Variants in NCKAP5 observed in about 807,000 individuals in gnomAD.
The protein encoded by NCKAP5 is NCK associated protein 5.
A neutral mutation model predicts 167.0 loss-of-function variants in NCKAP5; 92 were observed. The observed-to-expected ratio is 0.55, with a 90% CI of 0.47 to 0.66. The LOEUF (loss-of-function observed/expected upper bound fraction) is 0.66, where lower values mean the gene tolerates loss of function less well. Among genes scored for constraint, NCKAP5 ranks in the 30% least tolerant of loss-of-function variants. The probability of loss-of-function intolerance (pLI) is 0.00; values close to 1 mark genes in which losing one functional copy is unlikely to be tolerated. For synonymous variants in NCKAP5, 891 were observed against 877.4 expected (o/e 1.02, Z -0.27); for missense variants, 2,378 against 2,315.0 (o/e 1.03, Z -0.56).
intron 8 of NCKAP5, among the ~76,000 whole-genome samples, chr2:132,963,399 C>T (rs2076574080): frequency 6.6e-6 from 1 of 152,112 alleles, no homozygotes; most frequent in South Asian, 2.1e-4. Context: ...TTACCAGTTA[C>T]TGGGGAAAAC....
At chr2:133,525,297 G>A (rs924701608) in intron 2 of NCKAP5, among the ~76,000 whole-genome samples, 3 of 152,158 alleles carry the variant, frequency 2.0e-5, no homozygotes, top group Non-Finnish European at 4.4e-5. Flanking sequence ...TTAAAAAATT[G>A]TTTCCTACAT....
At chr2:133,180,203 C>A (rs1020553812) in intron 5 of NCKAP5, among the ~76,000 whole-genome samples, 1 of 152,110 alleles carries the variant, frequency 6.6e-6, no homozygotes, top group Non-Finnish European at 1.5e-5. Flanking sequence ...ATCCCAGAAT[C>A]CTATACCCAG....
intron 6 of NCKAP5, among the ~76,000 whole-genome samples, chr2:133,081,244 C>G (rs1390735794): frequency 6.6e-6 from 1 of 152,142 alleles, no homozygotes; most frequent in East Asian, 1.9e-4. Flanking sequence ...TGCATATTAT[C>G]TTTCATCTCC....
intron 7 of NCKAP5, among the ~76,000 whole-genome samples, chr2:132,973,451 A>G (rs1387267298): frequency 6.6e-6 from 1 of 152,204 alleles, no homozygotes; most frequent in Non-Finnish European, 1.5e-5. Context: ...GTTATCACAT[A>G]AATTCTCTGT....
intron 5 of NCKAP5, among the ~76,000 whole-genome samples, chr2:133,182,015 G>A (rs1465652516): frequency 2.0e-5 from 3 of 152,132 alleles, no homozygotes; most frequent in African/African-American, 7.2e-5. Context: ...AGTGACAAGA[G>A]AGGTACATCA....
chr2:132,943,856 A>G (rs748498364), intron 8 of NCKAP5, among the ~76,000 whole-genome samples: 7 of 152,218 alleles, frequency 4.6e-5, no homozygotes, highest in Non-Finnish European at 7.3e-5. Flanking sequence ...AAAAGACCTT[A>G]CCAATGAGAG....
At position 132,784,941 on chromosome 2, in the gene NCKAP5, C is replaced by T. The variant is rs926171154; in HGVS notation, c.1870G>A (p.Gly624Arg). 2 of 1,600,800 alleles carry T rather than the reference C, an allele frequency of 1.2e-6. No individual in the cohort carries two copies. Among genetic ancestry groups the T allele is most frequent in the East Asian group, 4.5e-5 (2 of 44,750 alleles). The change falls in exon 14 of 20, where the codon GGA (glycine) becomes AGA (arginine). Residue 624 changes from glycine to arginine, a missense_variant. Physicochemically the swap from Gly to Arg is moderately radical, Grantham distance 125. Around this residue, in one of 3 missense-constraint regions of NCKAP5, gnomAD observed 1,049 missense variants for 1,023.4 expected, o/e 1.02. Transcript: ENST00000409261. Reference sequence around the variant, plus strand: ...TCAGGAGACCCACATAGAGATTTTCCAAACCCCACAAGGACATCCAGGTTC... The same window carrying T: ...TCAGGAGACCCACATAGAGATTTTCTAAACCCCACAAGGACATCCAGGTTC... ...VENLDVLVGF[G>R]KSLCGSPEEE...
rs187664790 is a variant in NCKAP5, at chr2:133,438,984, C to T, written c.69+78474G>A. On this transcript the variant is annotated intron_variant, in intron 3 of 19. Transcript: ENST00000409261. ...AATTGAGGTGTCTGCATTTTCATGA[C>T]CAGCAGGCATGATAACTTGTCCTAA... is the stretch of plus-strand genomic sequence containing the variant. Among the ~76,000 whole-genome samples, 56 of 152,334 alleles carry T rather than the reference C, an allele frequency of 3.7e-4. 1 individual carries two copies. Among genetic ancestry groups the T allele is most frequent in the Admixed American group, 2.0e-3 (31 of 15,312 alleles).
At chr2:133,408,141 T>C (rs1244207634) in intron 3 of NCKAP5, among the ~76,000 whole-genome samples, 1 of 152,114 alleles carries the variant, frequency 6.6e-6, no homozygotes, top group East Asian at 1.9e-4. Flanking sequence ...TGTATTTTTC[T>C]TTCTCCTTCC....
chr2:133,345,412 C>T (rs1056116554), intron 3 of NCKAP5, among the ~76,000 whole-genome samples: 1 of 152,132 alleles, frequency 6.6e-6, no homozygotes, highest in Non-Finnish European at 1.5e-5. Flanking sequence ...TACTAACAAA[C>T]TAATAGAGAT....
At chr2:133,175,732 C>A (rs571498225) in intron 5 of NCKAP5, among the ~76,000 whole-genome samples, 16 of 152,308 alleles carry the variant, frequency 1.1e-4, no homozygotes, top group Admixed American at 1.0e-3. Context: ...GTCTCTTACT[C>A]TCTCGCCCCA....
intron 3 of NCKAP5, among the ~76,000 whole-genome samples, chr2:133,391,632 C>G (rs1559446290): frequency 1.3e-5 from 2 of 152,168 alleles, no homozygotes; most frequent in African/African-American, 2.4e-5. Flanking sequence ...GCCCTCTTCC[C>G]CGCACTCATC....
intron 3 of NCKAP5, among the ~76,000 whole-genome samples, chr2:133,367,190 G>A (rs890717341): frequency 6.6e-6 from 1 of 152,160 alleles, no homozygotes; most frequent in African/African-American, 2.4e-5. Flanking sequence ...GGCTTTCCCT[G>A]CCTGACCAGC....
intron 11 of NCKAP5, among the ~76,000 whole-genome samples, chr2:132,799,900 A>G (rs577766697): frequency 6.6e-6 from 1 of 152,290 alleles, no homozygotes; most frequent in South Asian, 2.1e-4. Context: ...CAAGCACAAT[A>G]AAATCTACTT....
intron 3 of NCKAP5, among the ~76,000 whole-genome samples, chr2:133,356,457 G>A (rs1355446288): frequency 6.6e-6 from 1 of 152,182 alleles, no homozygotes; most frequent in Non-Finnish European, 1.5e-5. Flanking sequence ...CTACAGCTCT[G>A]CTGTCCTTGC....
At chr2:133,231,699 C>T (rs1240024430) in intron 4 of NCKAP5, among the ~76,000 whole-genome samples, 1 of 152,092 alleles carries the variant, frequency 6.6e-6, no homozygotes, top group African/African-American at 2.4e-5. Flanking sequence ...AAAAAAAATA[C>T]TAACGGTACC....
chr2:133,667,137 A>G, the NCKAP5 span, among the ~76,000 whole-genome samples: 244 of 152,230 alleles, frequency 1.6e-3, no homozygotes, highest in Admixed American at 4.7e-3. Flanking sequence ...CTACCAACTT[A>G]GCCCAATTAC....
intron 2 of NCKAP5, among the ~76,000 whole-genome samples, chr2:133,548,425 G>T (rs986028115): frequency 4.0e-5 from 6 of 151,374 alleles, no homozygotes; most frequent in East Asian, 3.9e-4. Context: ...ACACATAATT[G>T]TCAGATTCAC....
intron 5 of NCKAP5, among the ~76,000 whole-genome samples, chr2:133,130,988 T>G (rs1574124469): frequency 6.6e-6 from 1 of 152,258 alleles, no homozygotes; most frequent in East Asian, 1.9e-4. Flanking sequence ...ATGAGGGACA[T>G]ATATACTTAA....
Sources: gnomAD v4.1 joint callset for allele counts (sites outside exome capture counted in the v4.1 genomes callset) on GRCh38, gnomAD v4.1.1 for gene constraint, gnomAD v4.1.1 regional missense constraint, MANE v1.5 for transcripts, NCBI Gene and HGNC (gene_info 2026-07-23, HGNC 2026-07-21) for gene names.